Variants in ASB3 observed in about 807,000 individuals in gnomAD.
ASB3 encodes ankyrin repeat and SOCS box containing 3.
In ASB3, 41 loss-of-function variants were observed where a neutral mutation model predicts 54.5. The ratio of observed to expected loss-of-function variants is 0.75; its 90% CI spans 0.59 to 0.98. ASB3 has a LOEUF of 0.98. Among genes scored for constraint, ASB3 ranks in the 50% least tolerant of loss-of-function variants. The pLI, the probability that ASB3 is intolerant of heterozygous loss-of-function variation, is 0.00. For synonymous variants in ASB3, 266 were observed against 221.2 expected, an observed-to-expected ratio of 1.20 and a Z score of -1.80; for missense variants, 733 against 620.0, an observed-to-expected ratio of 1.18 and a Z score of -1.94.
intron 2 of ASB3, among the ~76,000 whole-genome samples, chr2:53,753,285 G>A (rs1174020658): frequency 2.0e-5 from 3 of 152,174 alleles, no homozygotes; most frequent in Non-Finnish European, 1.5e-5. Flanking sequence ...GTTTCTAGGA[G>A]TAGAGATTAA....
At chr2:53,774,560 G>T in intron 1 of ASB3, 2 of 1,424,590 alleles carry the variant, frequency 1.4e-6, no homozygotes, top group South Asian at 1.5e-5. Flanking sequence ...AGTGCACAAT[G>T]ACAATATGAT....
chr2:53,778,811 G>A (rs1195810075), intron 1 of ASB3, among the ~76,000 whole-genome samples: 2 of 152,094 alleles, frequency 1.3e-5, no homozygotes, highest in Admixed American at 6.6e-5. Context: ...GGTTGATTCC[G>A]TATCTTGGCT....
At chr2:53,680,103 C>T (rs1338141270) in intron 9 of ASB3, among the ~76,000 whole-genome samples, 3 of 152,166 alleles carry the variant, frequency 2.0e-5, no homozygotes, top group African/African-American at 4.8e-5. Flanking sequence ...CATTCTAATC[C>T]ATGGTGCGTA....
chr2:53,678,363 A>G (rs190905089), intron 9 of ASB3, among the ~76,000 whole-genome samples: 119 of 152,308 alleles, frequency 7.8e-4, no homozygotes, highest in Admixed American at 7.3e-3. Flanking sequence ...ATCACATAAC[A>G]TGCCTGGTAA....
chr2:53,722,320 G>A (rs1481442226), intron 5 of ASB3, among the ~76,000 whole-genome samples: 1 of 152,028 alleles, frequency 6.6e-6, no homozygotes, highest in Non-Finnish European at 1.5e-5. Context: ...TCCCTAACTT[G>A]TTCTACAAAG....
At chr2:53,758,503 C>G (rs1415116211) in intron 2 of ASB3, among the ~76,000 whole-genome samples, 7 of 152,196 alleles carry the variant, frequency 4.6e-5, no homozygotes, top group African/African-American at 1.7e-4. Flanking sequence ...CTTGATGGGG[C>G]AGCTGGGTTG....
intron 9 of ASB3, among the ~76,000 whole-genome samples, chr2:53,683,363 T>G (rs1372662669): frequency 6.6e-6 from 1 of 152,190 alleles, no homozygotes; most frequent in Non-Finnish European, 1.5e-5. Flanking sequence ...AGAATTCGGT[T>G]TGCTAGTATT....
At chr2:53,725,031 G>A (rs549218639) in intron 5 of ASB3, among the ~76,000 whole-genome samples, 3 of 152,040 alleles carry the variant, frequency 2.0e-5, no homozygotes, top group Non-Finnish European at 4.4e-5. Flanking sequence ...ATCAACCTAG[G>A]TGCCCATCAA....
intron 3 of ASB3, among the ~76,000 whole-genome samples, chr2:53,743,795 T>A (rs976566289): frequency 3.9e-5 from 6 of 152,120 alleles, no homozygotes; most frequent in African/African-American, 1.4e-4. Context: ...GTAATCCCAG[T>A]TCTTCGGGAG....
At chr2:53,702,978 T>C (rs76329252) in intron 7 of ASB3, among the ~76,000 whole-genome samples, 10 of 152,360 alleles carry the variant, frequency 6.6e-5, no homozygotes, top group Non-Finnish European at 1.2e-4. Context: ...TTTTGTCAGA[T>C]GTGCCCACAC....
chr2:53,732,562 C>G (rs1381594021), intron 3 of ASB3, among the ~76,000 whole-genome samples: 1 of 151,926 alleles, frequency 6.6e-6, no homozygotes, highest in African/African-American at 2.4e-5. Context: ...AAATTAAAGT[C>G]AAAAAATGTG....
chr2:53,710,788 A>T (rs1670050585), intron 7 of ASB3, among the ~76,000 whole-genome samples: 1 of 152,170 alleles, frequency 6.6e-6, no homozygotes, highest in Non-Finnish European at 1.5e-5. Context: ...TGTGCCACTC[A>T]GGGTCTAGCC....
chr2:53,768,707 C>T lies in ASB3; in HGVS notation c.-13-3122G>A, dbSNP rs180960624. Among the ~76,000 whole-genome samples the T allele has an allele frequency of 1.2e-3, 190 of 152,274 alleles. 2 individuals carry two copies. The highest frequency in any genetic ancestry group is 4.6e-3 in the African/African-American group (190 of 41,550). On this transcript the variant is annotated intron_variant, in intron 1 of 9. Transcript: ENST00000263634. ...TTAATGTTACTTTCTTGATGGTTCT[C>T]ATAATTATAATATGAAATGTAAGTT... is the stretch of plus-strand genomic sequence containing the variant.
intron 2 of ASB3, among the ~76,000 whole-genome samples, chr2:53,751,702 G>A (rs1171715915): frequency 6.6e-6 from 1 of 152,014 alleles, no homozygotes; most frequent in Admixed American, 6.6e-5. Context: ...ACATTTTCTT[G>A]AAGTGTCAGA....
chr2:53,675,644 G>A (rs1668045881), intron 9 of ASB3, among the ~76,000 whole-genome samples: 1 of 152,086 alleles, frequency 6.6e-6, no homozygotes, highest in Non-Finnish European at 1.5e-5. Flanking sequence ...AATTCATCTG[G>A]TAAATTTCTA....
chr2:53,749,365 C>T (rs375383198), intron 3 of ASB3, among the ~76,000 whole-genome samples: 9 of 151,962 alleles, frequency 5.9e-5, no homozygotes, highest in African/African-American at 1.4e-4. Context: ...CATTACTGAA[C>T]GAAATGCAAA....
intron 1 of ASB3, chr2:53,774,129 C>G: frequency 6.4e-7 from 1 of 1,574,434 alleles, no homozygotes. Flanking sequence ...GTATTCTTTT[C>G]ATTTTTCAAC....
Position 53,765,457 on chromosome 2 carries a change from G to T in ASB3, c.116C>A (p.Ala39Asp). The change falls in exon 2 of 10, where the codon GCT becomes GAT. Residue 39 changes from alanine (A) to aspartate (D), a missense_variant. By Grantham distance (126) the Ala-to-Asp change is moderately radical (BLOSUM62 -2). Coordinates refer to ENST00000263634, the MANE Select transcript of ASB3 (RefSeq NM_016115.5). ...LLKKGRSVDV[A>D]DNRGWMPIHE... ...AATTGGCATCCATCCCCTGTTATCA[G>T]CAACATCGACACTTCGGCCCTTTTT... 1 of 1,614,180 alleles carries T rather than the reference G, an allele frequency of 6.2e-7. No individual in the cohort carries two copies. Among genetic ancestry groups the T allele is most frequent in the Non-Finnish European group, 8.5e-7 (1 of 1,180,028 alleles).
At chr2:53,743,961 T>A (rs890488327) in intron 3 of ASB3, among the ~76,000 whole-genome samples, 2 of 151,332 alleles carry the variant, frequency 1.3e-5, no homozygotes, top group African/African-American at 4.9e-5. Context: ...AAGAATCCCT[T>A]GAACCCTGGA....
Sources: allele counts gnomAD v4.1 joint callset (sites outside exome capture counted in the v4.1 genomes callset), GRCh38; gene constraint gnomAD v4.1.1; transcripts MANE v1.5; gene names NCBI Gene and HGNC (gene_info 2026-07-23, HGNC 2026-07-21).